The following LRP1B variants were observed in gnomAD, a reference collection of about 807,000 sequenced individuals.
LRP1B encodes low-density lipoprotein receptor-related protein 1B.
In LRP1B, 217 loss-of-function variants were observed where a neutral mutation model predicts 556.6. That is an observed-to-expected ratio of 0.39 (90% CI 0.35 to 0.44). The LOEUF (loss-of-function observed/expected upper bound fraction) is 0.44, where lower values mean the gene tolerates loss of function less well. LRP1B is among the 20% of genes least tolerant of loss of function. The pLI is 1.00. For synonymous variants in LRP1B, 2,047 were observed against 1,865.8 expected, an observed-to-expected ratio of 1.10 and a Z score of -2.50; for missense variants, 5,053 against 5,620.8, an observed-to-expected ratio of 0.90 and a Z score of 3.23.
At chr2:141,573,180 T>A (rs1295047105) in intron 2 of LRP1B, among the ~76,000 whole-genome samples, 1 of 151,594 alleles carries the variant, frequency 6.6e-6, no homozygotes, top group Non-Finnish European at 1.5e-5. Flanking sequence ...TATTCTGAAA[T>A]TGACCACATA....
chr2:141,986,276 C>T (rs915006571), intron 1 of LRP1B, among the ~76,000 whole-genome samples: 2 of 151,796 alleles, frequency 1.3e-5, no homozygotes, highest in Non-Finnish European at 2.9e-5. Flanking sequence ...TATTTTACCA[C>T]AATAAAAACT....
At chr2:141,759,395 G>A (rs536124521) in intron 2 of LRP1B, among the ~76,000 whole-genome samples, 9 of 152,266 alleles carry the variant, frequency 5.9e-5, no homozygotes, top group African/African-American at 2.2e-4. Context: ...GTCAAGAGTG[G>A]TAAGATGAAA....
At chr2:141,891,862 T>A (rs2104915654) in intron 1 of LRP1B, among the ~76,000 whole-genome samples, 1 of 152,262 alleles carries the variant, frequency 6.6e-6, no homozygotes, top group South Asian at 2.1e-4. Flanking sequence ...CTCATAATAC[T>A]TTAATATTTT....
rs527458178 is a variant in LRP1B at position 140,941,848 on chromosome 2, G to A, written c.3136+8387C>T. Reference sequence around the variant, plus strand: ...AGAAGCACCAGCTCCATCAGATAATGAGGAATCAGTTCAAGAACTCTAGCA... The same window carrying A: ...AGAAGCACCAGCTCCATCAGATAATAAGGAATCAGTTCAAGAACTCTAGCA... On this transcript the variant is annotated intron_variant, in intron 20 of 90. Coordinates refer to ENST00000389484, the MANE Select transcript of LRP1B (RefSeq NM_018557.3). 4.6e-5 allele frequency among the ~76,000 whole-genome samples: 7 copies of A among 152,254 alleles called. No homozygotes were observed. In the South Asian group the frequency reaches 1.2e-3, roughly 27 times the overall value.
At chr2:141,830,030 G>A (rs1445142206) in intron 1 of LRP1B, among the ~76,000 whole-genome samples, 1 of 151,800 alleles carries the variant, frequency 6.6e-6, no homozygotes, top group Non-Finnish European at 1.5e-5. Context: ...GACAAAAGCA[G>A]CAAAATATTA....
At chr2:140,783,280 T>C (rs1026055861) in intron 32 of LRP1B, among the ~76,000 whole-genome samples, 9 of 152,100 alleles carry the variant, frequency 5.9e-5, no homozygotes, top group Non-Finnish European at 1.0e-4. Context: ...AATTAGATTT[T>C]TCTAAAAAAT....
intron 6 of LRP1B, among the ~76,000 whole-genome samples, chr2:141,195,020 T>C (rs1417915869): frequency 6.6e-6 from 1 of 152,142 alleles, no homozygotes; most frequent in Admixed American, 6.5e-5. Flanking sequence ...ACAAATTCTT[T>C]GATACTCCTC....
At chr2:141,876,905 T>C (rs531109286) in intron 1 of LRP1B, among the ~76,000 whole-genome samples, 5 of 151,942 alleles carry the variant, frequency 3.3e-5, no homozygotes, top group Non-Finnish European at 4.4e-5. Flanking sequence ...GGTTCTACCA[T>C]AGACTTTGGC....
At chr2:141,866,728 A>C (rs1205643814) in intron 1 of LRP1B, among the ~76,000 whole-genome samples, 3 of 151,910 alleles carry the variant, frequency 2.0e-5, no homozygotes, top group African/African-American at 4.8e-5. Flanking sequence ...GAAGAGAGGG[A>C]AAGAAAAGAA....
intron 7 of LRP1B, among the ~76,000 whole-genome samples, chr2:141,076,210 A>G (rs1159692361): frequency 1.3e-5 from 2 of 152,194 alleles, no homozygotes; most frequent in African/African-American, 4.8e-5. Flanking sequence ...GAAGCTGGTG[A>G]AGGGAAACAA....
intron 35 of LRP1B, among the ~76,000 whole-genome samples, chr2:140,723,872 C>T (rs116625275): frequency 0.012 from 1,765 of 152,252 alleles, 44 homozygotes; most frequent in African/African-American, 0.04. Flanking sequence ...AGTCTCATTA[C>T]AAACTTTTTT....
At position 141,671,823 on chromosome 2, in the gene LRP1B, C is replaced by CTT. The variant is rs11436397; in HGVS notation, c.205+138454_205+138455dup. Among the ~76,000 whole-genome samples the CTT allele has an allele frequency of 1.6e-3, 240 of 146,392 alleles. 2 individuals are homozygous for CTT. In the East Asian group the frequency reaches 0.027, roughly 17 times the overall value. On this transcript the variant is annotated intron_variant, in intron 2 of 90. Transcript: ENST00000389484. The stretch of plus-strand genomic sequence containing the variant: ...ACAAATCCTTTCTTAACCCATCAAA[C>CTT]TTTTTTTTTTTTTCACAAACAAAAT...
At chr2:141,109,666 C>CAAAAAA (rs34120181) in intron 7 of LRP1B, among the ~76,000 whole-genome samples, 6 of 134,532 alleles carry the variant, frequency 4.5e-5, no homozygotes, top group African/African-American at 1.4e-4. Context: ...TACAACCTTG[C>CAAAAAA]AAAAAAAAAA....
chr2:140,702,005 C>G, intron 39 of LRP1B, 136 bp downstream of exon 39: 1 of 1,309,888 alleles, frequency 7.6e-7, no homozygotes, highest in Non-Finnish European at 1.1e-6. Context: ...AGAGTACCTG[C>G]CTTTTCTGTG....
At chr2:140,764,999 T>C (rs1011165350) in intron 35 of LRP1B, among the ~76,000 whole-genome samples, 8 of 152,082 alleles carry the variant, frequency 5.3e-5, no homozygotes, top group African/African-American at 1.9e-4. Flanking sequence ...TGTGTTTATT[T>C]TTTTCTTTTA....
At chr2:141,413,459 G>T (rs1690933304) in intron 3 of LRP1B, among the ~76,000 whole-genome samples, 1 of 152,160 alleles carries the variant, frequency 6.6e-6, no homozygotes. Context: ...CAAGGAAACA[G>T]ATTCCACTGT....
At chr2:141,836,579 G>A (rs1288983308) in intron 1 of LRP1B, among the ~76,000 whole-genome samples, 3 of 151,732 alleles carry the variant, frequency 2.0e-5, no homozygotes, top group Non-Finnish European at 4.4e-5. Context: ...TGGAAGCTGG[G>A]GATCACCATT....
chr2:142,047,434 C>T (rs1347206147), intron 1 of LRP1B, among the ~76,000 whole-genome samples: 1 of 151,756 alleles, frequency 6.6e-6, no homozygotes, highest in African/African-American at 2.4e-5. Context: ...GGTCTGTAGT[C>T]GTTTATAGGT....
intron 41 of LRP1B, among the ~76,000 whole-genome samples, chr2:140,642,309 C>T (rs1684325096): frequency 1.3e-5 from 2 of 152,182 alleles, no homozygotes; most frequent in East Asian, 3.9e-4. Flanking sequence ...CACCGCTACA[C>T]GCCTATGCTT....
Sources: allele counts gnomAD v4.1 joint callset (sites outside exome capture counted in the v4.1 genomes callset), GRCh38; gene constraint gnomAD v4.1.1; transcripts MANE v1.5; gene names NCBI Gene and HGNC (gene_info 2026-07-23, HGNC 2026-07-21).